The following CRIM1 variants were observed in gnomAD, a reference collection of about 807,000 sequenced individuals.
CRIM1 encodes cysteine rich transmembrane BMP regulator 1.
A neutral mutation model predicts 116.4 loss-of-function variants in CRIM1; 32 were observed. That is an observed-to-expected ratio of 0.27 (90% CI 0.21 to 0.37). The LOEUF (loss-of-function observed/expected upper bound fraction) is 0.37, where lower values mean the gene tolerates loss of function less well. Ranked by LOEUF, CRIM1 falls within the 10% of genes least tolerant of loss-of-function variation. CRIM1 has a pLI of 1.00. For synonymous variants in CRIM1, 590 were observed against 509.2 expected (o/e 1.16, Z -2.13); for missense variants, 1,331 against 1,354.8 (o/e 0.98, Z 0.28).
Position 36,499,005 on chromosome 2 carries a change from G to A in CRIM1, c.1373-214G>A, listed in dbSNP as rs144132857. ...CAAAAACTGCATGAATTGCTCAAACGCAAAGAAGCAGAGTGTTCACATTTT... is the reference window on the plus strand; with the variant it reads ...CAAAAACTGCATGAATTGCTCAAACACAAAGAAGCAGAGTGTTCACATTTT... On this transcript the variant is annotated intron_variant, in intron 7 of 16. Coordinates refer to ENST00000280527, the MANE Select transcript of CRIM1 (RefSeq NM_016441.3). Among the ~76,000 whole-genome samples, 310 of 152,300 alleles carry A rather than the reference G, an allele frequency of 2.0e-3. 1 individual carries two copies. The highest frequency in any genetic ancestry group is 7.3e-3 in the African/African-American group (302 of 41,560).
At chr2:36,396,382 T>G (rs1357918081) in intron 1 of CRIM1, among the ~76,000 whole-genome samples, 1 of 152,234 alleles carries the variant, frequency 6.6e-6, no homozygotes, top group Non-Finnish European at 1.5e-5. Flanking sequence ...ATTTCCAACC[T>G]TTGTGCATAT....
chr2:36,460,667 C>CT (rs1381564400), intron 4 of CRIM1, among the ~76,000 whole-genome samples: 1 of 152,188 alleles, frequency 6.6e-6, no homozygotes, highest in Admixed American at 6.5e-5. Context: ...GCTCTCCTCA[C>CT]TTTCTTTTGT....
At chr2:36,369,973 C>T (rs745312234) in intron 1 of CRIM1, among the ~76,000 whole-genome samples, 5 of 152,206 alleles carry the variant, frequency 3.3e-5, no homozygotes, top group Non-Finnish European at 5.9e-5. Flanking sequence ...CTGGAAACAA[C>T]GCCCCAGCTT....
chr2:36,504,591 T>C (rs1681256913), intron 8 of CRIM1, among the ~76,000 whole-genome samples: 1 of 152,248 alleles, frequency 6.6e-6, no homozygotes, highest in South Asian at 2.1e-4. Flanking sequence ...AAGTTTACAT[T>C]ATCCCTGACT....
chr2:36,528,437 T>A (rs1454641912), intron 13 of CRIM1, among the ~76,000 whole-genome samples: 1 of 152,360 alleles, frequency 6.6e-6, no homozygotes, highest in South Asian at 2.1e-4. Context: ...ACCACACTGT[T>A]CTTTCATACC....
At chr2:36,477,829 G>A (rs1326954708) in intron 6 of CRIM1, among the ~76,000 whole-genome samples, 1 of 152,220 alleles carries the variant, frequency 6.6e-6, no homozygotes, top group East Asian at 1.9e-4. Context: ...TTAGGATGTT[G>A]AAGTTCAGAA....
chr2:36,393,021 C>A (rs1233145422), intron 1 of CRIM1, among the ~76,000 whole-genome samples: 1 of 152,130 alleles, frequency 6.6e-6, no homozygotes, highest in South Asian at 2.1e-4. Flanking sequence ...AAGGGGCCAG[C>A]GGCCTCATCA....
At chr2:36,467,550 G>A (rs1291633355) in intron 5 of CRIM1, among the ~76,000 whole-genome samples, 1 of 152,158 alleles carries the variant, frequency 6.6e-6, no homozygotes. Flanking sequence ...TATTTTATAT[G>A]TATAAAACCA....
chr2:36,445,511 T>G (rs1213348580), intron 4 of CRIM1, among the ~76,000 whole-genome samples: 1 of 152,232 alleles, frequency 6.6e-6, no homozygotes, highest in African/African-American at 2.4e-5. Context: ...ATTATCGACT[T>G]TCATACATTG....
chr2:36,494,280 C>T (rs1473519021), intron 7 of CRIM1, among the ~76,000 whole-genome samples: 1 of 151,848 alleles, frequency 6.6e-6, no homozygotes, highest in Non-Finnish European at 1.5e-5. Context: ...TATAAAATAC[C>T]GATGGTGTTT....
At chr2:36,395,434 C>G (rs1671951113) in intron 1 of CRIM1, among the ~76,000 whole-genome samples, 1 of 152,208 alleles carries the variant, frequency 6.6e-6, no homozygotes, top group Non-Finnish European at 1.5e-5. Context: ...ATGTAACAGT[C>G]AGTTCCCATT....
chr2:36,523,023 C>A (rs1311646416), intron 13 of CRIM1, among the ~76,000 whole-genome samples: 3 of 150,064 alleles, frequency 2.0e-5, no homozygotes, highest in African/African-American at 7.3e-5. Context: ...GGTGCAATCT[C>A]AGCTTGCTGC....
intron 13 of CRIM1, among the ~76,000 whole-genome samples, chr2:36,534,689 CAGGAAGAAGGAAA>C (rs1041236046): frequency 9.8e-5 from 13 of 132,492 alleles, no homozygotes; most frequent in Admixed American, 4.0e-4. Flanking sequence ...AAAAGGAAGA[CAGGAAGAAGGAAA>C]AGGAAGACAG....
chr2:36,474,089 G>A (rs1489540384), intron 5 of CRIM1, among the ~76,000 whole-genome samples: 1 of 152,120 alleles, frequency 6.6e-6, no homozygotes, highest in African/African-American at 2.4e-5. Flanking sequence ...AATTCCCCGA[G>A]TGACTAATGA....
At chr2:36,393,220 T>A (rs757374271) in intron 1 of CRIM1, among the ~76,000 whole-genome samples, 3 of 152,186 alleles carry the variant, frequency 2.0e-5, no homozygotes, top group Non-Finnish European at 4.4e-5. Flanking sequence ...TGATAGATGA[T>A]GCCTAGTGAG....
Position 36,517,401 on chromosome 2 carries a change from G to A in CRIM1, c.2065G>A (p.Glu689Lys). ...CHAPGGEYFV[E>K]GETWNIDSCT... ...CGCCCCTGGAGGAGAATACTTTGTG[G>A]AAGGAGAAACGTGGAACATTGACTC... The change falls in exon 12 of 17, where the codon GAA becomes AAA. Residue 689 changes from glutamate (E) to lysine (K), a missense_variant. Glu to Lys is a moderately conservative substitution (Grantham distance 56). This residue lies in a region of CRIM1 where 358 missense variants were observed against 436.1 expected (regional missense o/e 0.82). Transcript: ENST00000280527. 1 of 1,614,218 alleles carries A rather than the reference G, an allele frequency of 6.2e-7. No individual in the cohort carries two copies. The highest frequency in any genetic ancestry group is 8.5e-7 in the Non-Finnish European group (1 of 1,180,036).
intron 1 of CRIM1, chr2:36,378,794 T>C (rs922895313): frequency 3.5e-5 from 5 of 142,422 alleles, no homozygotes; most frequent in African/African-American, 1.3e-4. Context: ...GGGAGTTTTT[T>C]TGTTGTTTTC....
chr2:36,414,385 A>G (rs865782024), intron 2 of CRIM1, among the ~76,000 whole-genome samples: 6 of 152,336 alleles, frequency 3.9e-5, no homozygotes, highest in Middle Eastern at 3.4e-3. Flanking sequence ...GCAAATGCCT[A>G]CTTAGTTTTC....
rs186052438 is a variant in CRIM1 at position 36,435,294 on chromosome 2, C to T, written c.506-5964C>T. Among the ~76,000 whole-genome samples the T allele has an allele frequency of 5.9e-5, 9 of 151,944 alleles. 1 individual carries two copies. The East Asian group carries it at 1.2e-3, about 20-fold the overall frequency. ...TTGAATTCCCCGAAGTAGCTTGAAC[C>T]GCCCAAGGATTGTCTCAGGATGGCT... is the stretch of plus-strand genomic sequence containing the variant. On this transcript the variant is annotated intron_variant, in intron 2 of 16. Transcript: ENST00000280527.
Sources: allele counts gnomAD v4.1 joint callset (sites outside exome capture counted in the v4.1 genomes callset), GRCh38; gene constraint gnomAD v4.1.1; regional missense constraint gnomAD v4.1.1; transcripts MANE v1.5; gene names NCBI Gene and HGNC (gene_info 2026-07-23, HGNC 2026-07-21).